Variants in SGCZ observed in about 807,000 individuals in gnomAD.
The protein encoded by SGCZ is zeta-sarcoglycan.
Under a neutral mutation model 41.3 loss-of-function variants are expected in SGCZ, and 40 were observed. The observed-to-expected ratio is 0.97, with a 90% CI of 0.75 to 1.26. SGCZ has a LOEUF of 1.26. Among genes scored for constraint, SGCZ ranks in the 50% most tolerant of loss-of-function variants. SGCZ has a pLI of 0.00. For missense variants in SGCZ, 552 were observed against 369.8 expected (o/e 1.49, Z -4.04); for synonymous variants, 206 against 137.5 (o/e 1.50, Z -3.49).
At chr8:14,374,004 TA>T (rs1804011416) in intron 2 of SGCZ, among the ~76,000 whole-genome samples, 1 of 152,116 alleles carries the variant, frequency 6.6e-6, no homozygotes, top group South Asian at 2.1e-4. Context: ...AATACACAGA[TA>T]TATTAACGAT....
At chr8:15,167,053 CTATT>C (rs1444568899) in intron 1 of SGCZ, among the ~76,000 whole-genome samples, 1 of 151,772 alleles carries the variant, frequency 6.6e-6, no homozygotes, top group African/African-American at 2.4e-5. Flanking sequence ...TATTTTTTAA[CTATT>C]TATGACCTTT....
At chr8:14,281,278 T>C (rs1800424024) in intron 3 of SGCZ, among the ~76,000 whole-genome samples, 3 of 151,984 alleles carry the variant, frequency 2.0e-5, no homozygotes, top group African/African-American at 7.2e-5. Flanking sequence ...TTACATAATA[T>C]TAGTATTTGT....
chr8:14,419,858 C>T (rs1320383715), intron 2 of SGCZ, among the ~76,000 whole-genome samples: 1 of 151,874 alleles, frequency 6.6e-6, no homozygotes, highest in Admixed American at 6.6e-5. Flanking sequence ...CTTGAAAGTC[C>T]AATCTTTATG....
At chr8:15,231,724 CAA>C (rs1263502137) in intron 1 of SGCZ, among the ~76,000 whole-genome samples, 2 of 147,804 alleles carry the variant, frequency 1.4e-5, no homozygotes, top group Non-Finnish European at 3.0e-5. Flanking sequence ...CACCTTCAAG[CAA>C]TTCTCTCGCC....
chr8:15,118,276 G>A (rs183688500), intron 1 of SGCZ, among the ~76,000 whole-genome samples: 3 of 152,228 alleles, frequency 2.0e-5, no homozygotes, highest in African/African-American at 7.2e-5. Context: ...AAAGATTTGA[G>A]GAAATGTCTT....
At chr8:14,769,201 A>T (rs1356407013) in intron 1 of SGCZ, among the ~76,000 whole-genome samples, 2 of 152,206 alleles carry the variant, frequency 1.3e-5, no homozygotes, top group Admixed American at 1.3e-4. Context: ...TAATGATGGT[A>T]ATGATAATGA....
intron 1 of SGCZ, among the ~76,000 whole-genome samples, chr8:14,872,457 T>C (rs1157641677): frequency 6.6e-6 from 1 of 152,152 alleles, no homozygotes; most frequent in Non-Finnish European, 1.5e-5. Flanking sequence ...GTTTAGACTC[T>C]TCTGAGAAAA....
intron 1 of SGCZ, among the ~76,000 whole-genome samples, chr8:14,572,097 T>C (rs945144848): frequency 6.6e-6 from 1 of 152,210 alleles, no homozygotes; most frequent in South Asian, 2.1e-4. Context: ...ATTCATTAAA[T>C]TGTTTTCATG....
chr8:14,642,620 A>G (rs1380609491), intron 1 of SGCZ, among the ~76,000 whole-genome samples: 1 of 151,510 alleles, frequency 6.6e-6, no homozygotes, highest in African/African-American at 2.4e-5. Flanking sequence ...TGCTATGTTA[A>G]TTTTCAATGG....
At chr8:14,247,116 T>A (rs547291226) in intron 3 of SGCZ, among the ~76,000 whole-genome samples, 1 of 152,270 alleles carries the variant, frequency 6.6e-6, no homozygotes, top group Admixed American at 6.5e-5. Context: ...AGAGAGATAT[T>A]ATCTATGTAT....
chr8:14,463,190 G>C (rs1800951325), intron 2 of SGCZ, among the ~76,000 whole-genome samples: 1 of 151,106 alleles, frequency 6.6e-6, no homozygotes, highest in Middle Eastern at 3.4e-3. Flanking sequence ...TCTCTGGTTA[G>C]AATTTCTAAT....
At chr8:14,207,018 TGGA>T (rs2117084954) in intron 4 of SGCZ, among the ~76,000 whole-genome samples, 1 of 152,292 alleles carries the variant, frequency 6.6e-6, no homozygotes, top group East Asian at 1.9e-4. Context: ...GACGTTTTTG[TGGA>T]GAACTATTTA....
chr8:14,538,951 C>A (rs1256909339), intron 2 of SGCZ, among the ~76,000 whole-genome samples: 1 of 151,906 alleles, frequency 6.6e-6, no homozygotes, highest in African/African-American at 2.4e-5. Context: ...CATGTGTCAG[C>A]TTGGCTGGGC....
Position 14,901,380 on chromosome 8 carries a change from T to C in SGCZ, c.39+336205A>G, listed in dbSNP as rs577668056. 8.5e-5 allele frequency among the ~76,000 whole-genome samples: 13 copies of C among 152,316 alleles called. No homozygotes were observed. In the East Asian group the frequency reaches 2.1e-3, roughly 25 times the overall value. ...TAATGAGTCACCACACACAAGGTCATTGGTCAGTTTGGACCTGGCCAATGT... is the reference window on the plus strand; with the variant it reads ...TAATGAGTCACCACACACAAGGTCACTGGTCAGTTTGGACCTGGCCAATGT... On this transcript the variant is annotated intron_variant, in intron 1 of 7. Transcript: ENST00000382080.
At chr8:14,430,592 G>C (rs960192926) in intron 2 of SGCZ, among the ~76,000 whole-genome samples, 7 of 151,990 alleles carry the variant, frequency 4.6e-5, no homozygotes, top group African/African-American at 1.4e-4. Flanking sequence ...AACATAATAC[G>C]GAATGGGGAA....
At chr8:14,240,327 C>CAAAAAAAAAA (rs59351247) in intron 3 of SGCZ, among the ~76,000 whole-genome samples, 102 of 115,192 alleles carry the variant, frequency 8.9e-4, no homozygotes, top group African/African-American at 3.0e-3. Flanking sequence ...AACTCTGTGT[C>CAAAAAAAAAA]AAAAAAAAAA....
intron 3 of SGCZ, among the ~76,000 whole-genome samples, chr8:14,278,386 A>T (rs984391212): frequency 6.6e-6 from 1 of 152,114 alleles, no homozygotes; most frequent in South Asian, 2.1e-4. Context: ...TAGTCACAAC[A>T]TCCATGTGTT....
chr8:14,730,357 G>T (rs1446331195), intron 1 of SGCZ, among the ~76,000 whole-genome samples: 3 of 152,118 alleles, frequency 2.0e-5, no homozygotes, highest in Non-Finnish European at 4.4e-5. Flanking sequence ...GTATACTGGG[G>T]TGGAGTGAGG....
chr8:14,366,938 G>A (rs979923230), intron 2 of SGCZ, among the ~76,000 whole-genome samples: 2 of 152,162 alleles, frequency 1.3e-5, no homozygotes, highest in African/African-American at 4.8e-5. Context: ...CGTCTTGGAA[G>A]TTAACATTTG....
Sources: allele counts gnomAD v4.1 joint callset (sites outside exome capture counted in the v4.1 genomes callset), GRCh38; gene constraint gnomAD v4.1.1; transcripts MANE v1.5; gene names NCBI Gene and HGNC (gene_info 2026-07-23, HGNC 2026-07-21).